KCNIP4: variants seen among roughly 807,000 people sequenced by gnomAD.
KCNIP4 encodes the protein Kv channel-interacting protein 4.
Under a neutral mutation model 34.0 loss-of-function variants are expected in KCNIP4, and 12 were observed. The observed-to-expected ratio is 0.35, with a 90% CI of 0.23 to 0.57. The LOEUF (loss-of-function observed/expected upper bound fraction) is 0.57, where lower values mean the gene tolerates loss of function less well. Ranked by LOEUF, KCNIP4 falls within the 20% of genes least tolerant of loss-of-function variation. KCNIP4 has a pLI of 0.83. For synonymous variants in KCNIP4, 124 were observed against 102.2 expected (o/e 1.21, Z -1.29); for missense variants, 238 against 311.7 (o/e 0.76, Z 1.78).
At chr4:21,192,914 C>A (rs1755755486) in intron 1 of KCNIP4, among the ~76,000 whole-genome samples, 1 of 99,632 alleles carries the variant, frequency 1.0e-5, no homozygotes, top group East Asian at 2.5e-4. Context: ...GCCGCCCCGT[C>A]TCTACTACTA....
intron 3 of KCNIP4, among the ~76,000 whole-genome samples, chr4:20,834,566 A>G (rs562465212): frequency 2.0e-5 from 3 of 152,302 alleles, no homozygotes; most frequent in Non-Finnish European, 2.9e-5. Context: ...ATGAGAAGGA[A>G]CCAAAAGGTC....
chr4:21,382,658 A>C (rs1366290582), intron 1 of KCNIP4, among the ~76,000 whole-genome samples: 1 of 152,240 alleles, frequency 6.6e-6, no homozygotes, highest in African/African-American at 2.4e-5. Flanking sequence ...AGTAGCCTTT[A>C]AATCTGGTTA....
chr4:21,928,127 T>TATATACACAC (rs141651426), intron 1 of KCNIP4, among the ~76,000 whole-genome samples: 12,255 of 143,592 alleles, frequency 0.085, 647 homozygotes, highest in Middle Eastern at 0.15. Flanking sequence ...TATATATATA[T>TATATACACAC]ACACACACAC....
rs185511062 is a variant in KCNIP4 at position 21,689,640 on chromosome 4, A to G, written c.61+258931T>C. Among the ~76,000 whole-genome samples, 4 of 152,336 alleles carry G rather than the reference A, an allele frequency of 2.6e-5. No homozygotes were observed. In the East Asian group the frequency reaches 7.7e-4, roughly 29 times the overall value. On this transcript the variant is annotated intron_variant, in intron 1 of 8. Coordinates refer to ENST00000382152, the MANE Select transcript of KCNIP4 (RefSeq NM_025221.6). Reference sequence around the variant, plus strand: ...TATTATTGTCATTAAGACTATGATGAAAAGACATTAGAGGAAGCAAAACAA... The same window carrying G: ...TATTATTGTCATTAAGACTATGATGGAAAGACATTAGAGGAAGCAAAACAA...
chr4:21,094,013 C>A (rs185155239), intron 1 of KCNIP4, among the ~76,000 whole-genome samples: 1 of 151,794 alleles, frequency 6.6e-6, no homozygotes, highest in African/African-American at 2.4e-5. Context: ...ACCCGGGAGG[C>A]AGAGCTTGCA....
At chr4:21,361,635 A>G (rs924211624) in intron 1 of KCNIP4, among the ~76,000 whole-genome samples, 1 of 151,974 alleles carries the variant, frequency 6.6e-6, no homozygotes, top group Non-Finnish European at 1.5e-5. Flanking sequence ...TACAATTTTT[A>G]AGCTGTCTGG....
At chr4:21,734,867 G>T (rs1715877906) in intron 1 of KCNIP4, among the ~76,000 whole-genome samples, 1 of 152,114 alleles carries the variant, frequency 6.6e-6, no homozygotes, top group South Asian at 2.1e-4. Flanking sequence ...CTGAGTATTT[G>T]CAGTAGGTGA....
At chr4:21,050,949 A>G (rs548731177) in intron 1 of KCNIP4, among the ~76,000 whole-genome samples, 1 of 152,242 alleles carries the variant, frequency 6.6e-6, no homozygotes, top group African/African-American at 2.4e-5. Flanking sequence ...TTGCCCCAAG[A>G]CCTCTTTCAA....
intron 1 of KCNIP4, among the ~76,000 whole-genome samples, chr4:21,699,990 T>G (rs1712704788): frequency 6.6e-6 from 1 of 151,862 alleles, no homozygotes; most frequent in Non-Finnish European, 1.5e-5. Flanking sequence ...GAAAACAGAA[T>G]CAGTACAATT....
intron 1 of KCNIP4, among the ~76,000 whole-genome samples, chr4:21,563,548 A>G (rs1739619703): frequency 6.6e-6 from 1 of 152,162 alleles, no homozygotes; most frequent in Non-Finnish European, 1.5e-5. Flanking sequence ...TGCTAAATTA[A>G]TGAATGGGTG....
intron 1 of KCNIP4, among the ~76,000 whole-genome samples, chr4:20,933,661 A>T (rs973455498): frequency 1.1e-4 from 16 of 152,084 alleles, no homozygotes; most frequent in Non-Finnish European, 7.4e-5. Flanking sequence ...AACAATTGTT[A>T]CTTTAAGCTA....
At chr4:21,636,389 G>A (rs992783794) in intron 1 of KCNIP4, among the ~76,000 whole-genome samples, 16 of 151,742 alleles carry the variant, frequency 1.1e-4, no homozygotes, top group Non-Finnish European at 2.1e-4. Flanking sequence ...GAAAAGTAAT[G>A]TTTTCCTAAA....
At chr4:21,817,940 C>T (rs552673483) in intron 1 of KCNIP4, among the ~76,000 whole-genome samples, 2 of 152,220 alleles carry the variant, frequency 1.3e-5, no homozygotes, top group East Asian at 3.9e-4. Context: ...TGCTTTTGCC[C>T]TTTGTCCTGT....
chr4:21,136,466 CA>C (rs1751506599), intron 1 of KCNIP4, among the ~76,000 whole-genome samples: 1 of 152,130 alleles, frequency 6.6e-6, no homozygotes, highest in African/African-American at 2.4e-5. Flanking sequence ...AGCAAATAGG[CA>C]TTGGGTTTTC....
intron 1 of KCNIP4, among the ~76,000 whole-genome samples, chr4:21,838,111 A>G (rs772086224): frequency 9.2e-5 from 14 of 152,340 alleles, no homozygotes; most frequent in Admixed American, 3.3e-4. Flanking sequence ...ACAAAATAAT[A>G]AGGCCTGCAT....
chr4:20,842,648 T>C (rs1719896182), intron 3 of KCNIP4, among the ~76,000 whole-genome samples: 1 of 149,184 alleles, frequency 6.7e-6, no homozygotes, highest in African/African-American at 2.5e-5. Flanking sequence ...GACTGGTTTC[T>C]ATTTGTTCTT....
intron 1 of KCNIP4, among the ~76,000 whole-genome samples, chr4:20,918,699 T>A (rs1294648697): frequency 1.3e-5 from 2 of 152,204 alleles, no homozygotes; most frequent in East Asian, 3.9e-4. Context: ...CCTCTTCTCC[T>A]TTCCTCTCCT....
At chr4:21,167,763 C>T (rs1381656360) in intron 1 of KCNIP4, among the ~76,000 whole-genome samples, 1 of 152,144 alleles carries the variant, frequency 6.6e-6, no homozygotes, top group Non-Finnish European at 1.5e-5. Flanking sequence ...AATGAAAGTC[C>T]TCCTGCTCAT....
chr4:20,766,744 G>A (rs1268425200), intron 3 of KCNIP4: 1 of 152,132 alleles, frequency 6.6e-6, no homozygotes, highest in South Asian at 2.1e-4. Context: ...ACTAAGCTTT[G>A]ATACTGCAAA....
Sources: allele counts gnomAD v4.1 joint callset (sites outside exome capture counted in the v4.1 genomes callset), GRCh38; gene constraint gnomAD v4.1.1; transcripts MANE v1.5; gene names NCBI Gene and HGNC (gene_info 2026-07-23, HGNC 2026-07-21).